Variants in RPN2 observed in about 807,000 individuals in gnomAD.
RPN2 encodes the protein ribophorin II, also known as dolichyl-diphosphooligosaccharide--protein glycosyltransferase subunit 2.
RPN2 carries 29 observed loss-of-function variants against 71.4 expected under a neutral mutation model. The ratio of observed to expected loss-of-function variants is 0.41; its 90% confidence interval spans 0.30 to 0.55. RPN2 has a LOEUF of 0.55. RPN2 is among the 20% of genes least tolerant of loss of function. RPN2 has a pLI of 0.35. For synonymous variants in RPN2, 308 were observed against 305.0 expected, an observed-to-expected ratio of 1.01 and a Z score of -0.10; for missense variants, 726 against 774.1, an observed-to-expected ratio of 0.94 and a Z score of 0.74.
At chr20:37,228,505 A>G (rs2068139911) in intron 11 of RPN2, 45 bp from the exon 12 acceptor site, 3 of 1,577,128 alleles carry the variant, frequency 1.9e-6, no homozygotes, top group Non-Finnish European at 2.6e-6. Context: ...CCCAGGGAGA[A>G]TCTTGAAATT....
intron 12 of RPN2, 21 bp downstream of exon 12, chr20:37,228,765 C>G: frequency 6.2e-7 from 1 of 1,612,442 alleles, no homozygotes. Flanking sequence ...GAATGTACCC[C>G]GACCCAGGTG....
chr20:37,192,666 T>G (rs1321584644), intron 2 of RPN2, among the ~76,000 whole-genome samples: 19 of 152,218 alleles, frequency 1.2e-4, no homozygotes, highest in Admixed American at 1.2e-3. Context: ...GTCTAATAGC[T>G]GAGACAGGCA....
Position 37,213,763 on chromosome 20 carries a change from T to A in RPN2, c.990T>A (p.Asp330Glu), listed in dbSNP as rs777953290. ...LQKTSFTPVGDVFELNFMNVK... is the reference protein window; with the variant it reads ...LQKTSFTPVGEVFELNFMNVK... ...AGCCCATTGTCATTCTTAACAGGGATGTTTTTGAACTAAATTTCATGAACG... is the reference window on the plus strand; with the variant it reads ...AGCCCATTGTCATTCTTAACAGGGAAGTTTTTGAACTAAATTTCATGAACG... Residue 330 changes from aspartate (D) to glutamate (E), a missense_variant, in exon 9 of 17, where the codon GAT becomes GAA. Asp to Glu is a conservative substitution (Grantham distance 45). Coordinates refer to ENST00000237530, the MANE Select transcript of RPN2 (RefSeq NM_002951.5). 4.3e-6 allele frequency: 7 copies of A among 1,612,092 alleles called. No individual in the cohort carries two copies. The highest frequency in any genetic ancestry group is 5.9e-6 in the Non-Finnish European group (7 of 1,178,224).
Position 37,238,734 on chromosome 20 carries a change from G to T in RPN2, c.1883+2025G>T, listed in dbSNP as rs775984899. 4.5e-5 allele frequency: 30 copies of T among 667,414 alleles called. No homozygotes were observed. In the Admixed American group the frequency reaches 5.0e-4, roughly 11 times the overall value. The allele number at this position is 667,414 out of a possible 1,614,324, so 41.3% of individuals were successfully genotyped here. On this transcript the variant is annotated intron_variant, in intron 16 of 16. Transcript: ENST00000237530. Reference sequence around the variant, plus strand: ...TTCATTCTCCCTTATATCCCGTGGGGTACTTACTTATTTATAGACAAGCCT... The same window carrying T: ...TTCATTCTCCCTTATATCCCGTGGGTTACTTACTTATTTATAGACAAGCCT...
At chr20:37,204,946 C>T in intron 6 of RPN2, 45 bp downstream of exon 6, 1 of 1,613,692 alleles carries the variant, frequency 6.2e-7, no homozygotes. Flanking sequence ...AAGGGGTCAT[C>T]AGCTGTATCT....
chr20:37,194,039 C>T (rs900485793), intron 2 of RPN2, among the ~76,000 whole-genome samples: 4 of 152,096 alleles, frequency 2.6e-5, no homozygotes, highest in Admixed American at 6.6e-5. Flanking sequence ...GCTACGGGCG[C>T]GCATGTTTCC....
chr20:37,235,361 C>T (rs2068356883), intron 15 of RPN2, among the ~76,000 whole-genome samples: 1 of 152,164 alleles, frequency 6.6e-6, no homozygotes, highest in African/African-American at 2.4e-5. Flanking sequence ...CACGTTTTCT[C>T]ATTTGATTAT....
At chr20:37,191,294 C>T (rs1212325204) in intron 2 of RPN2, among the ~76,000 whole-genome samples, 3 of 151,978 alleles carry the variant, frequency 2.0e-5, no homozygotes, top group Non-Finnish European at 4.4e-5. Flanking sequence ...CTGGCCAACA[C>T]GGCAAAACCC....
intron 16 of RPN2, 119 bp from the exon 17 acceptor site, chr20:37,241,184 C>A: frequency 8.7e-7 from 1 of 1,154,300 alleles, no homozygotes; most frequent in East Asian, 2.5e-5. Flanking sequence ...TGATTATTCC[C>A]TTATAAATGG....
intron 9 of RPN2, among the ~76,000 whole-genome samples, chr20:37,219,465 G>A (rs2067900142): frequency 6.6e-6 from 1 of 151,914 alleles, no homozygotes; most frequent in African/African-American, 2.4e-5. Flanking sequence ...CTGGTTAGAG[G>A]TTCCTTATTA....
Position 37,236,093 on chromosome 20 carries a change from T to TTGTGGGTGTGTGTG in RPN2, c.1754-483_1754-470dup, listed in dbSNP as rs1555893347. ...GCTGAAGTCCAATTGTTACCCCTGT[T>TTGTGGGTGTGTGTG]TGTGGGTGTGTGTGTGTTTTGAGAC... On this transcript the variant is annotated intron_variant, in intron 15 of 16. Transcript: ENST00000237530. 2.6e-5 allele frequency among the ~76,000 whole-genome samples: 4 copies of TTGTGGGTGTGTGTG among 150,960 alleles called. 1 individual carries two copies. In the Middle Eastern group the frequency reaches 0.01, roughly 390 times the overall value.
intron 9 of RPN2, among the ~76,000 whole-genome samples, chr20:37,217,793 T>G (rs1445399259): frequency 6.6e-6 from 1 of 151,914 alleles, no homozygotes; most frequent in Admixed American, 6.6e-5. Flanking sequence ...AGTGGCACGA[T>G]CTTGGCTTAC....
Position 37,223,894 on chromosome 20 carries a change from C to T in RPN2, c.1109C>T (p.Ser370Phe). The T allele has an allele frequency of 6.2e-7, 1 of 1,613,856 alleles. No individual in the cohort carries two copies. Among genetic ancestry groups the T allele is most frequent in the Non-Finnish European group, 8.5e-7 (1 of 1,179,872 alleles). ...TTCCTCTAGCTCAGAGTCAAGATCT[C>T]CACTGAAGTTGGCATCACAAATGTT... ...ANTVELRVKI[S>F]TEVGITNVDL... The change falls in exon 10 of 17, where the codon TCC (serine) becomes TTC (phenylalanine). Residue 370 changes from serine to phenylalanine, a missense_variant. Coordinates refer to ENST00000237530, the MANE Select transcript of RPN2 (RefSeq NM_002951.5).
chr20:37,186,917 C>T (rs1448199492), intron 2 of RPN2, among the ~76,000 whole-genome samples: 2 of 152,020 alleles, frequency 1.3e-5, no homozygotes, highest in African/African-American at 4.8e-5. Flanking sequence ...CCTTTGTATC[C>T]CTGTAAACTG....
chr20:37,212,427 A>C (rs530629144), intron 8 of RPN2, among the ~76,000 whole-genome samples: 14 of 152,060 alleles, frequency 9.2e-5, no homozygotes, highest in Admixed American at 4.6e-4. Flanking sequence ...TTCTAAAAGA[A>C]AAAAATTAAG....
At chr20:37,231,045 G>A (rs942298844) in intron 13 of RPN2, among the ~76,000 whole-genome samples, 2 of 151,896 alleles carry the variant, frequency 1.3e-5, no homozygotes, top group Non-Finnish European at 2.9e-5. Flanking sequence ...TTGATACGTT[G>A]GAGGAAAAAT....
chr20:37,221,980 A>G (rs1346977304), intron 9 of RPN2, among the ~76,000 whole-genome samples: 4 of 152,242 alleles, frequency 2.6e-5, no homozygotes, highest in Non-Finnish European at 1.5e-5. Context: ...ATCTCTGTAT[A>G]TTCCCTGAAT....
rs1180552641 is a variant in RPN2 at position 37,196,225 on chromosome 20, T to TC, written c.208-2165dup. ...CAGGTGAGCGCCACCGTGCCTAGTC[T>TC]CCCCCCCACCTTTTTTTTTTTGAGA... On this transcript the variant is annotated intron_variant, in intron 2 of 16. Coordinates refer to ENST00000237530, the MANE Select transcript of RPN2 (RefSeq NM_002951.5). Among the ~76,000 whole-genome samples, 429 of 135,172 alleles carry TC rather than the reference T, an allele frequency of 3.2e-3. 7 individuals are homozygous for TC. Among genetic ancestry groups the TC allele is most frequent in the Non-Finnish European group, 1.1e-3 (71 of 63,986 alleles). The allele number at this position is 135,172 out of a possible 152,430, so 88.7% of individuals were successfully genotyped here. A position where few individuals can be genotyped will look rare whatever the true frequency, so the allele number is the denominator to read the frequency against.
intron 9 of RPN2, among the ~76,000 whole-genome samples, chr20:37,218,338 A>T (rs113409897): frequency 4.1e-4 from 4 of 9,654 alleles, no homozygotes; most frequent in Admixed American, 3.1e-3. Context: ...CCTTGAGCCC[A>T]GGAGTTTGAG....
Sources: gnomAD v4.1 joint callset for allele counts (sites outside exome capture counted in the v4.1 genomes callset) on GRCh38, gnomAD v4.1.1 for gene constraint, MANE v1.5 for transcripts, NCBI Gene and HGNC (gene_info 2026-07-23, HGNC 2026-07-21) for gene names.